The following MAN2A1 variants were observed in gnomAD, a reference collection of about 807,000 sequenced individuals.
The protein encoded by MAN2A1 is alpha-mannosidase 2.
A neutral mutation model predicts 142.6 loss-of-function variants in MAN2A1; 76 were observed. That is an observed-to-expected ratio of 0.53 (90% CI 0.44 to 0.65). The LOEUF is 0.65. MAN2A1 is among the 30% of genes least tolerant of loss of function. The pLI is 0.00. For synonymous variants in MAN2A1, 559 were observed against 473.2 expected (o/e 1.18, Z -2.35); for missense variants, 1,311 against 1,365.1 (o/e 0.96, Z 0.62).
chr5:109,756,090 A>G (rs929791169), intron 5 of MAN2A1, among the ~76,000 whole-genome samples: 5 of 151,974 alleles, frequency 3.3e-5, no homozygotes, highest in Admixed American at 1.3e-4. Context: ...TCAAATCACT[A>G]AGGTCTAGTC....
intron 4 of MAN2A1, among the ~76,000 whole-genome samples, chr5:109,737,017 G>A (rs919782845): frequency 2.7e-5 from 4 of 150,758 alleles, no homozygotes; most frequent in African/African-American, 7.3e-5. Flanking sequence ...ATTTGCAAGT[G>A]CTATTTTTTC....
chr5:109,774,758 G>T, intron 7 of MAN2A1, 30 bp from the exon 8 acceptor site: 3 of 1,542,704 alleles, frequency 1.9e-6, no homozygotes, highest in South Asian at 1.2e-5. Context: ...ATTCATATTT[G>T]CTGTTTTTTT....
At chr5:109,866,263 C>G (rs892253130) in intron 21 of MAN2A1, among the ~76,000 whole-genome samples, 1 of 151,980 alleles carries the variant, frequency 6.6e-6, no homozygotes, top group African/African-American at 2.4e-5. Context: ...GTTATACGAT[C>G]CAGAGAGACA....
intron 4 of MAN2A1, among the ~76,000 whole-genome samples, chr5:109,743,061 C>G (rs1027322022): frequency 6.6e-6 from 1 of 152,200 alleles, no homozygotes; most frequent in Non-Finnish European, 1.5e-5. Flanking sequence ...TTTTTTGCAG[C>G]ATTGACATCG....
At position 109,855,211 on chromosome 5, in the gene MAN2A1, A is replaced by T; in HGVS notation, c.3048A>T (p.Pro1016=). ...SHITSSLMNH[P]VIPMANKFSS... ...TAACTTCTTCTCTCATGAATCATCC[A>T]GTCATTCCAATGGCAAATAAGTTCT... The change falls in exon 20 of 22, where the codon CCA becomes CCT. Residue 1016 remains proline, a synonymous_variant. Coordinates refer to ENST00000261483, the MANE Select transcript of MAN2A1 (RefSeq NM_002372.4). 1 of 1,607,380 alleles carries T rather than the reference A, an allele frequency of 6.2e-7. No individual in the cohort carries two copies. Among genetic ancestry groups the T allele is most frequent in the South Asian group, 1.1e-5 (1 of 89,798 alleles).
At chr5:109,842,806 G>GTTTTTT (rs768238978) in intron 17 of MAN2A1, among the ~76,000 whole-genome samples, 6 of 116,212 alleles carry the variant, frequency 5.2e-5, no homozygotes, top group Non-Finnish European at 6.9e-5. Flanking sequence ...TACTTATTGG[G>GTTTTTT]TTTTTTTTTT....
intron 16 of MAN2A1, among the ~76,000 whole-genome samples, chr5:109,838,751 C>T (rs1389953084): frequency 1.3e-5 from 2 of 152,218 alleles, no homozygotes; most frequent in African/African-American, 2.4e-5. Context: ...AAAGTCTGTC[C>T]TGATACAAAC....
intron 17 of MAN2A1, among the ~76,000 whole-genome samples, chr5:109,844,223 T>A (rs890770309): frequency 6.6e-6 from 1 of 152,214 alleles, no homozygotes; most frequent in Non-Finnish European, 1.5e-5. Context: ...ATTTTCTTTT[T>A]GAGGATGGAA....
chr5:109,753,260 T>A lies in MAN2A1; in HGVS notation c.708-2069T>A, dbSNP rs77720046. On this transcript the variant is annotated intron_variant, in intron 4 of 21. Transcript: ENST00000261483. ...AGGGGCAGGTTTGGTCCATAGCCTC[T>A]AGACTGTGGCTAAATCAGGCAATCA... Among the ~76,000 whole-genome samples, 771 of 152,348 alleles carry A rather than the reference T, an allele frequency of 5.1e-3. 7 individuals carry two copies. Among genetic ancestry groups the A allele is most frequent in the African/African-American group, 0.017 (727 of 41,580 alleles).
chr5:109,783,927 G>A (rs1470605946), intron 9 of MAN2A1, among the ~76,000 whole-genome samples: 3 of 151,878 alleles, frequency 2.0e-5, no homozygotes, highest in Non-Finnish European at 4.4e-5. Context: ...GTGTAGTAGT[G>A]TGATCCTAGT....
chr5:109,735,750 C>G (rs1364547078), intron 4 of MAN2A1, among the ~76,000 whole-genome samples: 5 of 151,828 alleles, frequency 3.3e-5, no homozygotes, highest in Non-Finnish European at 7.4e-5. Flanking sequence ...TGCCAAAGTG[C>G]TTTGTAATTA....
intron 11 of MAN2A1, 147 bp downstream of exon 11, chr5:109,789,195 A>T: frequency 1.8e-6 from 1 of 542,716 alleles, no homozygotes; most frequent in African/African-American, 1.9e-5. Context: ...CTTAATATAA[A>T]TTACCTGTAT....
intron 1 of MAN2A1, among the ~76,000 whole-genome samples, chr5:109,699,165 G>A (rs1750901228): frequency 6.6e-6 from 1 of 152,112 alleles, no homozygotes; most frequent in African/African-American, 2.4e-5. Flanking sequence ...TCCCCACTCT[G>A]TCAGTCAAGG....
At chr5:109,821,140 A>G (rs1754612331) in intron 15 of MAN2A1, among the ~76,000 whole-genome samples, 1 of 152,202 alleles carries the variant, frequency 6.6e-6, no homozygotes, top group Non-Finnish European at 1.5e-5. Context: ...CATGAAAACC[A>G]TTGCCAACAT....
intron 1 of MAN2A1, among the ~76,000 whole-genome samples, chr5:109,696,049 C>T (rs989353545): frequency 6.6e-6 from 1 of 150,408 alleles, no homozygotes; most frequent in Non-Finnish European, 1.5e-5. Context: ...AAAGAGTGCC[C>T]TGTTTAAGGT....
intron 3 of MAN2A1, among the ~76,000 whole-genome samples, chr5:109,721,016 GC>G (rs1451616751): frequency 2.0e-5 from 3 of 152,176 alleles, no homozygotes; most frequent in Non-Finnish European, 4.4e-5. Context: ...CTGAGTTCTG[GC>G]ATTTATTGCC....
At position 109,845,322 on chromosome 5, in the gene MAN2A1, T is replaced by C. The variant is rs548523500; in HGVS notation, c.2701-543T>C. Among the ~76,000 whole-genome samples the C allele has an allele frequency of 1.8e-4, 28 of 152,300 alleles. 1 individual carries two copies. The highest frequency in any genetic ancestry group is 3.2e-4 in the Non-Finnish European group (22 of 68,016). ...GAATTGGAATTTGGAACTATCTACA[T>C]TGAAACTAATCAAAAAGAGTAAGCA... On this transcript the variant is annotated intron_variant, in intron 17 of 21. Coordinates refer to ENST00000261483, the MANE Select transcript of MAN2A1 (RefSeq NM_002372.4).
intron 1 of MAN2A1, among the ~76,000 whole-genome samples, chr5:109,709,208 TA>T (rs1751227481): frequency 1.3e-5 from 2 of 152,186 alleles, no homozygotes; most frequent in African/African-American, 4.8e-5. Context: ...TAGCATATAA[TA>T]AATATTAAGT....
intron 1 of MAN2A1, among the ~76,000 whole-genome samples, chr5:109,709,750 A>G (rs1751243149): frequency 6.6e-6 from 1 of 152,172 alleles, no homozygotes; most frequent in Non-Finnish European, 1.5e-5. Flanking sequence ...TAAATCAAAT[A>G]TCATGACCTC....
Sources: gnomAD v4.1 joint callset for allele counts (sites outside exome capture counted in the v4.1 genomes callset) on GRCh38, gnomAD v4.1.1 for gene constraint, MANE v1.5 for transcripts, NCBI Gene and HGNC (gene_info 2026-07-23, HGNC 2026-07-21) for gene names.